Variants in LRRC20 observed in about 807,000 individuals in gnomAD.
LRRC20 encodes leucine-rich repeat-containing protein 20.
Under a neutral mutation model 14.4 loss-of-function variants are expected in LRRC20, and 11 were observed. The ratio of observed to expected loss-of-function variants is 0.77; its 90% CI spans 0.48 to 1.27. The LOEUF (loss-of-function observed/expected upper bound fraction) is 1.27, where lower values mean the gene tolerates loss of function less well. Ranked by LOEUF, LRRC20 falls within the 50% of genes most tolerant of loss-of-function variation. LRRC20 has a pLI of 0.00. For synonymous variants in LRRC20, 121 were observed against 107.3 expected (o/e 1.13, Z -0.79); for missense variants, 219 against 251.2 (o/e 0.87, Z 0.87).
At chr10:70,380,176 G>A (rs1844654326) in intron 1 of LRRC20, among the ~76,000 whole-genome samples, 1 of 152,152 alleles carries the variant, frequency 6.6e-6, no homozygotes, top group Admixed American at 6.5e-5. Context: ...GTCCTATTGT[G>A]TGGGTCAGAG....
At chr10:70,381,889 T>C (rs1223574149) in intron 1 of LRRC20, 2 of 152,230 alleles carry the variant, frequency 1.3e-5, no homozygotes, top group African/African-American at 4.8e-5. Context: ...CTCGCTAACA[T>C]CTAGGCATCC....
chr10:70,354,997 T>G (rs1376955586), intron 2 of LRRC20, among the ~76,000 whole-genome samples: 4 of 152,238 alleles, frequency 2.6e-5, no homozygotes, highest in African/African-American at 9.6e-5. Flanking sequence ...CTAGATGATT[T>G]GGGGTCTCAA....
At chr10:70,326,297 T>TACAC (rs3998644) in intron 3 of LRRC20, among the ~76,000 whole-genome samples, 35,456 of 140,232 alleles carry the variant, frequency 0.25, 4,526 homozygotes, top group East Asian at 0.31. Context: ...CGCCTCTGTG[T>TACAC]ACACACACAC....
intron 2 of LRRC20, among the ~76,000 whole-genome samples, chr10:70,354,886 C>A (rs1389305304): frequency 6.6e-6 from 1 of 152,144 alleles, no homozygotes; most frequent in Non-Finnish European, 1.5e-5. Context: ...ACTCAGGAGG[C>A]CTAATTCTTA....
intron 2 of LRRC20, among the ~76,000 whole-genome samples, chr10:70,365,964 G>T (rs1333460532): frequency 6.6e-6 from 1 of 151,404 alleles, no homozygotes; most frequent in Non-Finnish European, 1.5e-5. Flanking sequence ...AGCTACTCAG[G>T]AGGCTGAGGC....
intron 4 of LRRC20, among the ~76,000 whole-genome samples, chr10:70,309,567 G>A (rs1470750452): frequency 1.3e-5 from 2 of 152,332 alleles, no homozygotes; most frequent in East Asian, 1.9e-4. Context: ...ACTGAAGCCC[G>A]GGCTAAGAGA....
intron 2 of LRRC20, among the ~76,000 whole-genome samples, chr10:70,373,596 G>A (rs1184779763): frequency 6.6e-6 from 1 of 152,216 alleles, no homozygotes; most frequent in Non-Finnish European, 1.5e-5. Flanking sequence ...TCTGGCCAAT[G>A]CACAGATGCA....
chr10:70,348,626 C>A (rs1039504195), intron 2 of LRRC20, among the ~76,000 whole-genome samples: 4 of 152,194 alleles, frequency 2.6e-5, no homozygotes, highest in African/African-American at 9.7e-5. Context: ...GTCCCAACCA[C>A]TCCACTCTAC....
intron 4 of LRRC20, among the ~76,000 whole-genome samples, chr10:70,322,513 TTCTGGGCAGGCTCCTTCTGC>T (rs1213174805): frequency 2.9e-4 from 44 of 152,232 alleles, no homozygotes; most frequent in African/African-American, 8.4e-4. Context: ...GCCAAGGCAC[TTCTGGGCAGGCTCCTTCTGC>T]TCTGGGCAGG....
chr10:70,332,088 A>C (rs947773608), intron 3 of LRRC20, among the ~76,000 whole-genome samples: 1 of 152,214 alleles, frequency 6.6e-6, no homozygotes, highest in African/African-American at 2.4e-5. Flanking sequence ...AACCTGCGGC[A>C]ATGAGCAATC....
At chr10:70,322,164 G>A (rs749669164) in intron 4 of LRRC20, among the ~76,000 whole-genome samples, 29 of 152,202 alleles carry the variant, frequency 1.9e-4, no homozygotes, top group Admixed American at 4.6e-4. Context: ...ACCTTCTGGG[G>A]GTGGGGGATA....
chr10:70,366,368 A>T (rs1480393974), intron 2 of LRRC20, among the ~76,000 whole-genome samples: 2 of 152,008 alleles, frequency 1.3e-5, no homozygotes, highest in African/African-American at 2.4e-5. Flanking sequence ...GGTTTCAGTG[A>T]GCTGAGATTG....
intron 3 of LRRC20, among the ~76,000 whole-genome samples, chr10:70,325,672 C>T (rs1749570386): frequency 6.6e-6 from 1 of 152,206 alleles, no homozygotes; most frequent in South Asian, 2.1e-4. Flanking sequence ...TCAGATCACC[C>T]CAGGCCAGGG....
Position 70,340,814 on chromosome 10 carries a change from C to T in LRRC20, c.83-112G>A, listed in dbSNP as rs1433427927. ...TGCCCCCTTCCAGCCTCCTTGCCCT[C>T]CCACCTGTCTCCCCAGGACCAGGCT... On this transcript the variant is annotated intron_variant, in intron 2 of 4. Coordinates refer to ENST00000446961, the MANE Select transcript of LRRC20 (RefSeq NM_001278212.2). 5 of 1,125,964 alleles carry T rather than the reference C, an allele frequency of 4.4e-6. No individual in the cohort carries two copies. The African/African-American group carries it at 7.7e-5, about 17-fold the overall frequency. The allele number at this position is 1,125,964 out of a possible 1,614,324, so 69.7% of individuals were successfully genotyped here.
At chr10:70,304,477 T>TATATAGATATATAG (rs1841334888) in intron 4 of LRRC20, among the ~76,000 whole-genome samples, 2 of 22,870 alleles carry the variant, frequency 8.7e-5, no homozygotes, top group African/African-American at 4.8e-4. Flanking sequence ...TCTTTATATA[T>TATATAGATATATAG]ATATATATAT....
intron 1 of LRRC20, chr10:70,381,612 A>C (rs1844711277): frequency 6.6e-6 from 1 of 152,296 alleles, no homozygotes; most frequent in Non-Finnish European, 1.5e-5. Context: ...AGAGCCTGGC[A>C]GGGGCTCGGA....
intron 2 of LRRC20, among the ~76,000 whole-genome samples, chr10:70,347,899 C>T (rs1843138777): frequency 6.6e-6 from 1 of 151,986 alleles, no homozygotes; most frequent in East Asian, 1.9e-4. Context: ...ATCTGGCCAA[C>T]TGACACACCG....
intron 3 of LRRC20, among the ~76,000 whole-genome samples, chr10:70,337,480 A>G (rs1589084033): frequency 1.3e-5 from 2 of 152,230 alleles, no homozygotes; most frequent in African/African-American, 2.4e-5. Context: ...AAGGAGTTCA[A>G]ACAGCAACTT....
chr10:70,315,719 T>A (rs1402786707), intron 4 of LRRC20, among the ~76,000 whole-genome samples: 1 of 152,208 alleles, frequency 6.6e-6, no homozygotes, highest in African/African-American at 2.4e-5. Context: ...CCCTGTCCCA[T>A]GACCTCACCC....
Sources: allele counts gnomAD v4.1 joint callset (sites outside exome capture counted in the v4.1 genomes callset), GRCh38; gene constraint gnomAD v4.1.1; transcripts MANE v1.5; gene names NCBI Gene and HGNC (gene_info 2026-07-23, HGNC 2026-07-21).